Variants in ANKRD45 observed in about 807,000 individuals in gnomAD.
ANKRD45 encodes ankyrin repeat domain-containing protein 45.
A neutral mutation model predicts 28.1 loss-of-function variants in ANKRD45; 21 were observed. The observed-to-expected ratio is 0.75, with a 90% CI of 0.53 to 1.08. ANKRD45 has a LOEUF of 1.08. Among genes scored for constraint, ANKRD45 ranks in the 50% least tolerant of loss-of-function variants. The probability of loss-of-function intolerance (pLI) is 0.00; values close to 1 mark genes in which losing one functional copy is unlikely to be tolerated. For missense variants in ANKRD45, 261 were observed against 308.7 expected (o/e 0.85, Z 1.16); for synonymous variants, 86 against 103.9 (o/e 0.83, Z 1.05).
chr1:173,627,819 G>A (rs1355942670), intron 3 of ANKRD45, among the ~76,000 whole-genome samples: 2 of 151,850 alleles, frequency 1.3e-5, no homozygotes, highest in Non-Finnish European at 2.9e-5. Context: ...GCTTGCCACC[G>A]CTCTGCCAAT....
At chr1:173,668,470 G>A (rs115569924) in intron 1 of ANKRD45, among the ~76,000 whole-genome samples, 1,758 of 152,250 alleles carry the variant, frequency 0.012, 44 homozygotes, top group African/African-American at 0.041. Flanking sequence ...GGGAGCACTC[G>A]GTATACCAGG....
intron 3 of ANKRD45, among the ~76,000 whole-genome samples, chr1:173,644,889 A>T (rs1668856406): frequency 6.6e-6 from 1 of 151,952 alleles, no homozygotes; most frequent in Non-Finnish European, 1.5e-5. Context: ...GCTACTTGGG[A>T]GGCTGAGGCA....
the ANKRD45 span, among the ~76,000 whole-genome samples, chr1:173,707,494 A>G: frequency 7.9e-4 from 120 of 152,026 alleles, no homozygotes; most frequent in African/African-American, 2.7e-3. Context: ...CACCATGCCC[A>G]GCTAATTTTT....
chr1:173,697,285 C>T, the ANKRD45 span, among the ~76,000 whole-genome samples: 1 of 152,108 alleles, frequency 6.6e-6, no homozygotes, highest in African/African-American at 2.4e-5. Context: ...GCAAGGCAGG[C>T]CAACATTCAA....
At chr1:173,663,847 T>C (rs934840740) in intron 1 of ANKRD45, among the ~76,000 whole-genome samples, 6 of 152,250 alleles carry the variant, frequency 3.9e-5, no homozygotes, top group African/African-American at 1.4e-4. Flanking sequence ...TATATGTAAC[T>C]ACTATCAATA....
chr1:173,669,148 G>A (rs1253178821), intron 1 of ANKRD45, among the ~76,000 whole-genome samples: 1 of 152,156 alleles, frequency 6.6e-6, no homozygotes, highest in Non-Finnish European at 1.5e-5. Context: ...ATTCAATGGA[G>A]GTAGGTAGAG....
the ANKRD45 span, among the ~76,000 whole-genome samples, chr1:173,688,526 T>TCCTCTCTCTC: frequency 1.2e-5 from 1 of 84,602 alleles, no homozygotes; most frequent in Non-Finnish European, 2.4e-5. Context: ...CTTTGCCTCT[T>TCCTCTCTCTC]CCTCTCTCTC....
At chr1:173,694,188 G>C in the ANKRD45 span, among the ~76,000 whole-genome samples, 2 of 151,970 alleles carry the variant, frequency 1.3e-5, no homozygotes, top group Admixed American at 6.6e-5. Context: ...TTTTGAGACA[G>C]AGTCTCACTC....
chr1:173,695,926 C>T, the ANKRD45 span, among the ~76,000 whole-genome samples: 1 of 152,196 alleles, frequency 6.6e-6, no homozygotes, highest in African/African-American at 2.4e-5. Flanking sequence ...TAAACCCTGT[C>T]TCCTGATAAG....
chr1:173,625,841 A>G (rs1667912824), intron 4 of ANKRD45, among the ~76,000 whole-genome samples: 1 of 152,160 alleles, frequency 6.6e-6, no homozygotes, highest in Non-Finnish European at 1.5e-5. Flanking sequence ...TTGAAACCAC[A>G]TAGTAGGTAT....
chr1:173,630,086 G>C (rs1398061830), intron 3 of ANKRD45, among the ~76,000 whole-genome samples: 5 of 152,144 alleles, frequency 3.3e-5, no homozygotes, highest in Non-Finnish European at 7.3e-5. Flanking sequence ...AAACACATCA[G>C]AGAAATATTT....
At chr1:173,650,363 G>A (rs1669127587) in intron 2 of ANKRD45, among the ~76,000 whole-genome samples, 1 of 152,102 alleles carries the variant, frequency 6.6e-6, no homozygotes, top group Non-Finnish European at 1.5e-5. Flanking sequence ...TTGGTTATCT[G>A]TCCTTATGAT....
At chr1:173,612,319 A>AAGGAAAGAAG (rs1667197555) in intron 5 of ANKRD45, among the ~76,000 whole-genome samples, 4 of 130,236 alleles carry the variant, frequency 3.1e-5, no homozygotes, top group Non-Finnish European at 6.4e-5. Flanking sequence ...AAGGAAGGAA[A>AAGGAAAGAAG]GAAGGAAGGA....
chr1:173,624,050 C>T (rs955953779), intron 5 of ANKRD45, among the ~76,000 whole-genome samples: 1 of 152,018 alleles, frequency 6.6e-6, no homozygotes, highest in Non-Finnish European at 1.5e-5. Context: ...CCATGGCACA[C>T]GTTTACCTAT....
At chr1:173,636,223 C>A (rs949149428) in intron 3 of ANKRD45, among the ~76,000 whole-genome samples, 5 of 152,062 alleles carry the variant, frequency 3.3e-5, no homozygotes, top group African/African-American at 1.2e-4. Context: ...CTCTTAGAAC[C>A]CTTTCAGATG....
chr1:173,648,410 TTA>T (rs1312701098), intron 2 of ANKRD45, among the ~76,000 whole-genome samples: 2 of 152,180 alleles, frequency 1.3e-5, no homozygotes, highest in Non-Finnish European at 2.9e-5. Flanking sequence ...CAACAGAAGG[TTA>T]TAGAGTCATA....
At position 173,659,159 on chromosome 1, in the gene ANKRD45, G is replaced by A; in HGVS notation, c.260C>T (p.Ala87Val). Residue 87 changes from alanine (A) to valine (V), a missense_variant, in exon 2 of 6, where the codon GCT (alanine) becomes GTT (valine). Ala to Val is a moderately conservative substitution (Grantham distance 64). Coordinates refer to ENST00000333279, the MANE Select transcript of ANKRD45 (RefSeq NM_198493.3). Reference sequence around the variant, plus strand: ...AGCTCTAATCACGTCACTTTGCCCAGCCATGCAAGCTGCATACAACAAATT... The same window carrying A: ...AGCTCTAATCACGTCACTTTGCCCAACCATGCAAGCTGCATACAACAAATT... ...GRNLLYAACM[A>V]GQSDVIRALA... is the part of the protein sequence containing the mutation. 1 of 1,614,100 alleles carries A rather than the reference G, an allele frequency of 6.2e-7. No homozygotes were observed. The highest frequency in any genetic ancestry group is 1.7e-5 in the Admixed American group (1 of 60,018).
chr1:173,613,429 G>A (rs1353633054), intron 5 of ANKRD45, among the ~76,000 whole-genome samples: 3 of 150,450 alleles, frequency 2.0e-5, no homozygotes, highest in Non-Finnish European at 3.0e-5. Flanking sequence ...GAGCATCTCC[G>A]CCCGGCAGCC....
intron 2 of ANKRD45, among the ~76,000 whole-genome samples, chr1:173,654,918 A>G (rs1220704993): frequency 6.6e-6 from 1 of 152,198 alleles, no homozygotes; most frequent in African/African-American, 2.4e-5. Context: ...TGCATCACAT[A>G]GTTCTCCTGC....
Sources: gnomAD v4.1 joint callset for allele counts (sites outside exome capture counted in the v4.1 genomes callset) on GRCh38, gnomAD v4.1.1 for gene constraint, MANE v1.5 for transcripts, NCBI Gene and HGNC (gene_info 2026-07-23, HGNC 2026-07-21) for gene names.